The following LYPLA2 variants were observed in gnomAD, a reference collection of about 807,000 sequenced individuals.
LYPLA2 encodes the protein lysophospholipase 2, also known as acyl-protein thioesterase 2.
Under a neutral mutation model 30.3 loss-of-function variants are expected in LYPLA2, and 7 were observed. The observed-to-expected ratio is 0.23, with a 90% CI of 0.13 to 0.43. LYPLA2 has a LOEUF of 0.43. Among genes scored for constraint, LYPLA2 ranks in the 20% least tolerant of loss-of-function variants. The pLI, the probability that LYPLA2 is intolerant of heterozygous loss-of-function variation, is 1.00. For synonymous variants in LYPLA2, 112 were observed against 118.2 expected, an observed-to-expected ratio of 0.95 and a Z score of 0.34; for missense variants, 206 against 307.9, an observed-to-expected ratio of 0.67 and a Z score of 2.48.
rs767259355 is a variant in LYPLA2, at chr1:23,793,176, A to G, written c.136A>G (p.Thr46Ala). Residue 46 changes from threonine (T) to alanine (A), a missense_variant, in exon 4 of 10, where the codon ACC (threonine) becomes GCC (alanine). By Grantham distance (58) the Thr-to-Ala change is moderately conservative. Coordinates refer to ENST00000374514, the MANE Select transcript of LYPLA2 (RefSeq NM_007260.3). The surrounding 1 kb of genome is among the most constrained non-coding windows in gnomAD (Gnocchi z 6.0). Reference protein sequence around the residue: ...TGHSWADALSTIRLPHVKYIC... With the variant: ...TGHSWADALSAIRLPHVKYIC... ...GCACAGCTGGGCTGACGCCCTCTCCACCATCCGGCTCCCTCACGTCAAGTA... is the reference window on the plus strand; with the variant it reads ...GCACAGCTGGGCTGACGCCCTCTCCGCCATCCGGCTCCCTCACGTCAAGTA... 5.0e-6 allele frequency: 8 copies of G among 1,613,718 alleles called. No individual in the cohort carries two copies. Among genetic ancestry groups the G allele is most frequent in the East Asian group, 2.2e-5 (1 of 44,882 alleles).
Position 23,793,090 on chromosome 1 carries a change from C to T in LYPLA2, c.110+51C>T, listed in dbSNP as rs753237290. 1.4e-5 allele frequency: 23 copies of T among 1,612,550 alleles called. No individual in the cohort carries two copies. Among genetic ancestry groups the T allele is most frequent in the East Asian group, 2.2e-5 (1 of 44,892 alleles). On this transcript the variant is annotated intron_variant, in intron 3 of 9. Coordinates refer to ENST00000374514, the MANE Select transcript of LYPLA2 (RefSeq NM_007260.3). This position sits in a 1 kb window ranked among gnomAD's most constrained non-coding sequence, Gnocchi z 6.0. ...TTAAGGAGGGGTCCTGGCCCAGCAGCGGACTGGAGAGGCCTTCTCTTCCTA... is the reference window on the plus strand; with the variant it reads ...TTAAGGAGGGGTCCTGGCCCAGCAGTGGACTGGAGAGGCCTTCTCTTCCTA...
chr1:23,794,833 C>T lies in LYPLA2; in HGVS notation c.*101C>T, dbSNP rs2232985. 5.2e-4 allele frequency: 707 copies of T among 1,352,758 alleles called. 3 individuals carry two copies. The African/African-American group carries it at 8.5e-3, about 16-fold the overall frequency. The allele number at this position is 1,352,758 out of a possible 1,614,324, so 83.8% of individuals were successfully genotyped here. The stretch of plus-strand genomic sequence containing the variant: ...AGCCGGTCGAGCCCCTGTCCCCACC[C>T]TTCCTGACCTGTCCTTTTCCCACAG... On this transcript the variant is annotated 3_prime_UTR_variant, in exon 10 of 10. Transcript: ENST00000374514. The surrounding 1 kb of genome is among the most constrained non-coding windows in gnomAD (Gnocchi z 5.9).
chr1:23,795,004 G>A lies in LYPLA2; in HGVS notation c.*272G>A. On this transcript the variant is annotated 3_prime_UTR_variant, in exon 10 of 10. Transcript: ENST00000374514. ...GGCAGCAGTATTGGAGGGGCTACAGGCAGCTGGAGAAAGGGGCCCAGCCGC... is the reference window on the plus strand; with the variant it reads ...GGCAGCAGTATTGGAGGGGCTACAGACAGCTGGAGAAAGGGGCCCAGCCGC... 1 of 660,286 alleles carries A rather than the reference G, an allele frequency of 1.5e-6. No individual in the cohort carries two copies. The allele number at this position is 660,286 out of a possible 1,614,324, so 40.9% of individuals were successfully genotyped here. A position where few individuals can be genotyped will look rare whatever the true frequency, so the allele number is the denominator to read the frequency against.
rs1003142382 is a variant in LYPLA2, at chr1:23,795,504, T to C, written c.*772T>C. On this transcript the variant is annotated 3_prime_UTR_variant, in exon 10 of 10. Transcript: ENST00000374514. ...TTTGGGTGTTTTTCTTGTTGTGTCC[T>C]GGATTCCGATAAAATTAAAGAAATT... 1.0e-4 allele frequency: 24 copies of C among 238,092 alleles called. No homozygotes were observed. Among genetic ancestry groups the C allele is most frequent in the Non-Finnish European group, 1.8e-4 (21 of 119,660 alleles). 14.7% of individuals were successfully genotyped at this position (238,092 alleles called of 1,614,324 possible). A position where few individuals can be genotyped will look rare whatever the true frequency, so the allele number is the denominator to read the frequency against.
Position 23,792,516 on chromosome 1 carries a change from C to G in LYPLA2, c.-26-141C>G. On this transcript the variant is annotated intron_variant, in intron 1 of 9. Transcript: ENST00000374514. ...CTGAGGCAGACTTCTTCTCCTGTGC[C>G]CTGGGACTTCTTGCTTGACTATTCT... The G allele has an allele frequency of 1.7e-5, 11 of 635,754 alleles. No homozygotes were observed. The South Asian group carries it at 1.8e-4, about 11-fold the overall frequency. The allele number at this position is 635,754 out of a possible 1,614,324, so 39.4% of individuals were successfully genotyped here. A position where few individuals can be genotyped will look rare whatever the true frequency, so the allele number is the denominator to read the frequency against.
At position 23,793,032 on chromosome 1, in the gene LYPLA2, G is replaced by A; in HGVS notation, c.103G>A (p.Asp35Asn). 6.2e-7 allele frequency: 1 copy of A among 1,613,556 alleles called. No individual in the cohort carries two copies. The highest frequency in any genetic ancestry group is 8.5e-7 in the Non-Finnish European group (1 of 1,179,646). Residue 35 changes from aspartate to asparagine, a missense_variant, in exon 3 of 10, where the codon GAC becomes AAC. By Grantham distance (23) the Asp-to-Asn change is conservative (BLOSUM62 1). Transcript: ENST00000374514. This position sits in a 1 kb window ranked among gnomAD's most constrained non-coding sequence, Gnocchi z 6.0. ...AAVIFLHGLG[D>N]TGHSWADALS... Reference sequence around the variant, plus strand: ...GGTTATTTTTTTACATGGACTTGGAGACACAGGGTAAGTGACTGAGGAGGG... The same window carrying A: ...GGTTATTTTTTTACATGGACTTGGAAACACAGGGTAAGTGACTGAGGAGGG...
chr1:23,791,412 T>C (rs905657615), intron 1 of LYPLA2, among the ~76,000 whole-genome samples, 162 bp downstream of exon 1: 1 of 151,072 alleles, frequency 6.6e-6, no homozygotes, highest in Non-Finnish European at 1.5e-5. Flanking sequence ...GGAGCGGGGC[T>C]AGGCAAGGGG....
rs1402450016 is a variant in LYPLA2 at position 23,791,212 on chromosome 1, GAA to G, written c.-64_-63del. On this transcript the variant is annotated 5_prime_UTR_variant, in exon 1 of 10. Coordinates refer to ENST00000374514, the MANE Select transcript of LYPLA2 (RefSeq NM_007260.3). ...GAGTGTGTCTGCGGGAGAAAGAGGA[GAA>G]TCGCCCAAGCGGCCTCGGAAGTCCC... 3 of 152,838 alleles carry G rather than the reference GAA, an allele frequency of 2.0e-5. No individual in the cohort carries two copies. Among genetic ancestry groups the G allele is most frequent in the African/African-American group, 7.2e-5 (3 of 41,572 alleles). 9.5% of individuals were successfully genotyped at this position (152,838 alleles called of 1,614,324 possible).
In LYPLA2 at chr1:23,794,848, T is replaced by G. The variant is rs1557475803; in HGVS notation, c.*116T>G. On this transcript the variant is annotated 3_prime_UTR_variant, in exon 10 of 10. Coordinates refer to ENST00000374514, the MANE Select transcript of LYPLA2 (RefSeq NM_007260.3). This position sits in a 1 kb window ranked among gnomAD's most constrained non-coding sequence, Gnocchi z 5.9. ...TGTCCCCACCCTTCCTGACCTGTCC[T>G]TTTCCCACAGGCCTCTGGGGGCAGG... 8.0e-7 allele frequency: 1 copy of G among 1,249,400 alleles called. No individual in the cohort carries two copies. Among genetic ancestry groups the G allele is most frequent in the Non-Finnish European group, 1.1e-6 (1 of 871,096 alleles). 77.4% of individuals were successfully genotyped at this position (1,249,400 alleles called of 1,614,324 possible). A position where few individuals can be genotyped will look rare whatever the true frequency, so the allele number is the denominator to read the frequency against.
In LYPLA2 at chr1:23,793,928, A is replaced by G; in HGVS notation, c.293A>G (p.Asn98Ser). The G allele has an allele frequency of 1.2e-6, 2 of 1,613,644 alleles. No homozygotes were observed. The highest frequency in any genetic ancestry group is 1.7e-6 in the Non-Finnish European group (2 of 1,179,688). The change falls in exon 6 of 10, where the codon AAC becomes AGC. Residue 98 changes from asparagine to serine, a missense_variant and splice_region_variant. Coordinates refer to ENST00000374514, the MANE Select transcript of LYPLA2 (RefSeq NM_007260.3). This position sits in a 1 kb window ranked among gnomAD's most constrained non-coding sequence, Gnocchi z 6.0. Reference sequence around the variant, plus strand: ...GCTGGCATCAAGAAGGCAGCAGAGAACAGTAAGACCCCAGCCCCTCCTCCA... The same window carrying G: ...GCTGGCATCAAGAAGGCAGCAGAGAGCAGTAAGACCCCAGCCCCTCCTCCA... ...DEAGIKKAAE[N>S]IKALIEHEMK...
rs1300425465 is a variant in LYPLA2 at position 23,794,416 on chromosome 1, C to G, written c.472-11C>G. 3 of 1,613,802 alleles carry G rather than the reference C, an allele frequency of 1.9e-6. No homozygotes were observed. The highest frequency in any genetic ancestry group is 2.5e-6 in the Non-Finnish European group (3 of 1,179,876). Reference sequence around the variant, plus strand: ...GCACTAGCTTTGCCCTGAGTCCTGTCCGGCCTCCAGGCAGCTAATGGCAGT... The same window carrying G: ...GCACTAGCTTTGCCCTGAGTCCTGTGCGGCCTCCAGGCAGCTAATGGCAGT... On this transcript the variant is annotated splice_polypyrimidine_tract_variant and intron_variant, in intron 8 of 9. Transcript: ENST00000374514. This position sits in a 1 kb window ranked among gnomAD's most constrained non-coding sequence, Gnocchi z 5.9.
In LYPLA2 at chr1:23,793,695, C is replaced by A. The variant is rs369693960; in HGVS notation, c.177-10C>A. 1.3e-5 allele frequency: 21 copies of A among 1,613,934 alleles called. No individual in the cohort carries two copies. The highest frequency in any genetic ancestry group is 1.7e-5 in the Non-Finnish European group (20 of 1,179,942). ...TGAGCATGATGGGCCCTCTGGCTCT[C>A]TTTCCCCAGGCCTAGGATCCCTGTG... On this transcript the variant is annotated splice_polypyrimidine_tract_variant and intron_variant, in intron 4 of 9. Transcript: ENST00000374514. This position sits in a 1 kb window ranked among gnomAD's most constrained non-coding sequence, Gnocchi z 6.0.
At position 23,795,469 on chromosome 1, in the gene LYPLA2, C is replaced by T. The variant is rs1027043837; in HGVS notation, c.*737C>T. On this transcript the variant is annotated 3_prime_UTR_variant, in exon 10 of 10. Transcript: ENST00000374514. ...AGGAGTTGTGTCTCGTCTTCTGTCT[C>T]CATGTGGTTTTTGGGTGTTTTTCTT... 8.9e-6 allele frequency: 2 copies of T among 225,120 alleles called. No individual in the cohort carries two copies. Among genetic ancestry groups the T allele is most frequent in the African/African-American group, 4.7e-5 (2 of 42,798 alleles). The allele number at this position is 225,120 out of a possible 1,614,324, so 13.9% of individuals were successfully genotyped here. A position where few individuals can be genotyped will look rare whatever the true frequency, so the allele number is the denominator to read the frequency against.
In LYPLA2 at chr1:23,793,146, T is replaced by C; in HGVS notation, c.111-5T>C. The stretch of plus-strand genomic sequence containing the variant: ...TCGGAGCCTTTTCTCCCGTCCCTCC[T>C]ACAGGCACAGCTGGGCTGACGCCCT... On this transcript the variant is annotated splice_polypyrimidine_tract_variant and splice_region_variant and intron_variant, in intron 3 of 9. Transcript: ENST00000374514. The surrounding 1 kb of genome is among the most constrained non-coding windows in gnomAD (Gnocchi z 6.0). 6.2e-7 allele frequency: 1 copy of C among 1,614,044 alleles called. No individual in the cohort carries two copies. Among genetic ancestry groups the C allele is most frequent in the Non-Finnish European group, 8.5e-7 (1 of 1,179,910 alleles).
At position 23,793,239 on chromosome 1, in the gene LYPLA2, A is replaced by T. The variant is rs776970224; in HGVS notation, c.176+23A>T. On this transcript the variant is annotated intron_variant, in intron 4 of 9. Coordinates refer to ENST00000374514, the MANE Select transcript of LYPLA2 (RefSeq NM_007260.3). This position sits in a 1 kb window ranked among gnomAD's most constrained non-coding sequence, Gnocchi z 6.0. ...TGCGTGAGTGTCACCCCAGCAAGGG[A>T]GGGGCTGAGGCTGGGGATCATCTGG... 4 of 1,609,786 alleles carry T rather than the reference A, an allele frequency of 2.5e-6. No individual in the cohort carries two copies. In the Admixed American group the frequency reaches 6.7e-5, roughly 27 times the overall value.
rs1638847571 is a variant in LYPLA2 at position 23,793,641 on chromosome 1, GCT to G, written c.177-61_177-60del. 6 of 1,556,062 alleles carry G rather than the reference GCT, an allele frequency of 3.9e-6. No homozygotes were observed. In the South Asian group the frequency reaches 4.4e-5, roughly 12 times the overall value. On this transcript the variant is annotated intron_variant, in intron 4 of 9. Transcript: ENST00000374514. This position sits in a 1 kb window ranked among gnomAD's most constrained non-coding sequence, Gnocchi z 6.0. ...CAGGGGCGGCGCGGCCCCACTCCGG[GCT>G]CTGAGCTCTGGCCTCCTCATTCCTC...
chr1:23,794,464 A>G lies in LYPLA2; in HGVS notation c.509A>G (p.Gln170Arg). Residue 170 changes from glutamine to arginine, a missense_variant, in exon 9 of 10, where the codon CAG becomes CGG. By Grantham distance (43) the Gln-to-Arg change is conservative (BLOSUM62 1). Transcript: ENST00000374514. The surrounding 1 kb of genome is among the most constrained non-coding windows in gnomAD (Gnocchi z 5.9). ...AGTGCCAAGGACCTGGCCATACTCC[A>G]GTGCCATGGGGAGCTGGACCCCATG... ...NGSAKDLAIL[Q>R]CHGELDPMVP... The G allele has an allele frequency of 6.2e-7, 1 of 1,613,904 alleles. No individual in the cohort carries two copies. Among genetic ancestry groups the G allele is most frequent in the Non-Finnish European group, 8.5e-7 (1 of 1,179,952 alleles).
chr1:23,794,746 C>G lies in LYPLA2; in HGVS notation c.*14C>G, dbSNP rs760603558. 1.2e-6 allele frequency: 2 copies of G among 1,614,002 alleles called. No homozygotes were observed. Among genetic ancestry groups the G allele is most frequent in the South Asian group, 2.2e-5 (2 of 91,066 alleles). ...CCTCCTGTCTAACTAGTCGCTGGCC[C>G]CAGTGCAGTACCCCAGCTCATGGGG... is the stretch of plus-strand genomic sequence containing the variant. On this transcript the variant is annotated 3_prime_UTR_variant, in exon 10 of 10. Coordinates refer to ENST00000374514, the MANE Select transcript of LYPLA2 (RefSeq NM_007260.3). This position sits in a 1 kb window ranked among gnomAD's most constrained non-coding sequence, Gnocchi z 5.9.
Position 23,793,148 on chromosome 1 carries a change from C to A in LYPLA2, c.111-3C>A. 6.2e-7 allele frequency: 1 copy of A among 1,614,042 alleles called. No individual in the cohort carries two copies. Among genetic ancestry groups the A allele is most frequent in the Non-Finnish European group, 8.5e-7 (1 of 1,179,902 alleles). On this transcript the variant is annotated splice_polypyrimidine_tract_variant and splice_region_variant and intron_variant, in intron 3 of 9. Coordinates refer to ENST00000374514, the MANE Select transcript of LYPLA2 (RefSeq NM_007260.3). The surrounding 1 kb of genome is among the most constrained non-coding windows in gnomAD (Gnocchi z 6.0). ...GGAGCCTTTTCTCCCGTCCCTCCTA[C>A]AGGCACAGCTGGGCTGACGCCCTCT...
Sources: gnomAD v4.1 joint callset for allele counts (sites outside exome capture counted in the v4.1 genomes callset) on GRCh38, gnomAD v4.1.1 for gene constraint, Gnocchi (gnomAD v3.1) non-coding constraint, MANE v1.5 for transcripts, NCBI Gene and HGNC (gene_info 2026-07-23, HGNC 2026-07-21) for gene names.